The following XIAP variants were observed in gnomAD, a reference collection of about 807,000 sequenced individuals.
XIAP encodes E3 ubiquitin-protein ligase XIAP.
XIAP carries 3 observed loss-of-function variants against 33.1 expected under a neutral mutation model. That is an observed-to-expected ratio of 0.09 (90% CI 0.04 to 0.23). XIAP has a LOEUF of 0.23. Ranked by LOEUF, XIAP falls within the 10% of genes least tolerant of loss-of-function variation. XIAP has a pLI of 1.00. For synonymous variants in XIAP, 98 were observed against 121.3 expected, an observed-to-expected ratio of 0.81 and a Z score of 1.26; for missense variants, 264 against 363.0, an observed-to-expected ratio of 0.73 and a Z score of 2.22.
At position 123,909,153 on chromosome X, in the gene XIAP, T is replaced by C. The variant is rs909086164; in HGVS notation, c.*1972T>C. The C allele has an allele frequency of 3.0e-5, 8 of 270,311 alleles. No individual in the cohort carries two copies. The highest frequency in any genetic ancestry group is 4.8e-5 in the Non-Finnish European group (7 of 145,714). 22.3% of individuals were successfully genotyped at this position (270,311 alleles called of 1,213,427 possible). On this transcript the variant is annotated 3_prime_UTR_variant, in exon 7 of 7. Coordinates refer to ENST00000371199, the MANE Select transcript of XIAP (RefSeq NM_001167.4). ...AAGCGATTCTCGTGCCTCAGCTTCC[T>C]GAGTAGCTGGAATTACAGGCAGGTG...
intron 1 of XIAP, among the ~76,000 whole-genome samples, chrX:123,883,271 T>TG (rs1250156840): frequency 7.7e-5 from 8 of 103,698 alleles, no homozygotes; most frequent in African/African-American, 2.1e-4. Flanking sequence ...TTAGTAGAGG[T>TG]GGGGGTTTCA....
intron 5 of XIAP, among the ~76,000 whole-genome samples, chrX:123,897,158 C>G (rs978111783): frequency 2.7e-5 from 3 of 109,805 alleles, no homozygotes; most frequent in Non-Finnish European, 3.8e-5. Context: ...GAACTCCTGA[C>G]CTCAGGTGAT....
rs775638271 is a variant in XIAP at position 123,899,073 on chromosome X, A to G, written c.1100-1420A>G. Reference sequence around the variant, plus strand: ...GAGGTGGAGGTTGCAGTGAGCCGAGACGCGCCATTACACTCCGGCCTGGGT... The same window carrying G: ...GAGGTGGAGGTTGCAGTGAGCCGAGGCGCGCCATTACACTCCGGCCTGGGT... On this transcript the variant is annotated intron_variant, in intron 5 of 6. Transcript: ENST00000371199. 2.3e-4 allele frequency among the ~76,000 whole-genome samples: 19 copies of G among 84,022 alleles called. 1 individual carries two copies. In the Admixed American group the frequency reaches 3.0e-3, roughly 13 times the overall value. 73.0% of individuals were successfully genotyped at this position (84,022 alleles called of 115,157 possible).
At chrX:123,875,448 G>T (rs1456854389) in intron 1 of XIAP, among the ~76,000 whole-genome samples, 1 of 112,321 alleles carries the variant, frequency 8.9e-6, no homozygotes, top group Admixed American at 9.5e-5. Flanking sequence ...CAGAAAAGAT[G>T]TACCAGTTTT....
At chrX:123,884,434 T>G (rs1377474427) in intron 1 of XIAP, among the ~76,000 whole-genome samples, 1 of 106,389 alleles carries the variant, frequency 9.4e-6, no homozygotes, top group African/African-American at 3.5e-5. Context: ...CATGAACCAG[T>G]ATCACACCAT....
rs1317618774 is a variant in XIAP at position 123,909,079 on chromosome X, A to G, written c.*1898A>G. On this transcript the variant is annotated 3_prime_UTR_variant, in exon 7 of 7. Transcript: ENST00000371199. ...GAGTCTTGCTTGTCACCCAGGCTGG[A>G]GTGCAGTGGAGTGATCTCTGCTCAC... 10 of 274,744 alleles carry G rather than the reference A, an allele frequency of 3.6e-5. No individual in the cohort carries two copies. In the East Asian group the frequency reaches 8.8e-4, roughly 24 times the overall value. 22.6% of individuals were successfully genotyped at this position (274,744 alleles called of 1,213,427 possible). A position where few individuals can be genotyped will look rare whatever the true frequency, so the allele number is the denominator to read the frequency against.
At chrX:123,882,270 T>C (rs1290268902) in intron 1 of XIAP, among the ~76,000 whole-genome samples, 1 of 111,647 alleles carries the variant, frequency 9.0e-6, no homozygotes, top group East Asian at 2.8e-4. Context: ...CTACCATCGA[T>C]TGTTATAAAG....
chrX:123,899,915 G>A (rs759161689), intron 5 of XIAP, among the ~76,000 whole-genome samples: 1 of 110,860 alleles, frequency 9.0e-6, no homozygotes, highest in Admixed American at 9.7e-5. Context: ...GAGTCAGAGG[G>A]TATAAGTGTC....
intron 1 of XIAP, among the ~76,000 whole-genome samples, chrX:123,864,991 C>CT (rs35693982): frequency 5.6e-4 from 50 of 89,248 alleles, no homozygotes; most frequent in South Asian, 1.7e-3. Flanking sequence ...CGCCTTTCTT[C>CT]TTTTTTTTTT....
intron 1 of XIAP, among the ~76,000 whole-genome samples, chrX:123,864,348 A>G (rs1007693710): frequency 9.1e-6 from 1 of 110,412 alleles, no homozygotes; most frequent in Non-Finnish European, 1.9e-5. Flanking sequence ...CAAAACCTAC[A>G]GTTTATGAAA....
chrX:123,865,914 C>T lies in XIAP; in HGVS notation c.-33+5621C>T, dbSNP rs988989716. 2.0e-3 allele frequency among the ~76,000 whole-genome samples: 217 copies of T among 107,926 alleles called. 1 individual carries two copies. The highest frequency in any genetic ancestry group is 2.2e-3 in the Non-Finnish European group (113 of 51,905). 93.7% of individuals were successfully genotyped at this position (107,926 alleles called of 115,157 possible). ...GGATTACAGGCGTGTGCTACCACAC[C>T]TGGCTAATTTTTTTTTTTTTGGTAT... On this transcript the variant is annotated intron_variant, in intron 1 of 6. Transcript: ENST00000371199.
At position 123,899,144 on chromosome X, in the gene XIAP, A is replaced by AAAAAAATATATAT. The variant is rs1186271285; in HGVS notation, c.1100-1348_1100-1347insAAAAATATATATA. ...CAAAAAAAAAAAAAAAAAAAAAAAAAATATATATATATATATATATATGAT... is the reference window on the plus strand; with the variant it reads ...CAAAAAAAAAAAAAAAAAAAAAAAAAAAAAAATATATATATATATATATATATATATATATGAT... On this transcript the variant is annotated intron_variant, in intron 5 of 6. Coordinates refer to ENST00000371199, the MANE Select transcript of XIAP (RefSeq NM_001167.4). Among the ~76,000 whole-genome samples the AAAAAAATATATAT allele has an allele frequency of 6.2e-4, 31 of 50,163 alleles. 7 individuals carry two copies. Among genetic ancestry groups the AAAAAAATATATAT allele is most frequent in the African/African-American group, 2.4e-3 (28 of 11,845 alleles). 43.6% of individuals were successfully genotyped at this position (50,163 alleles called of 115,157 possible).
chrX:123,909,336 A>T lies in XIAP; in HGVS notation c.*2155A>T. 1 of 329,246 alleles carries T rather than the reference A, an allele frequency of 3.0e-6. No homozygotes were observed. The highest frequency in any genetic ancestry group is 5.9e-6 in the Non-Finnish European group (1 of 169,945). The allele number at this position is 329,246 out of a possible 1,213,427, so 27.1% of individuals were successfully genotyped here. A position where few individuals can be genotyped will look rare whatever the true frequency, so the allele number is the denominator to read the frequency against. Reference sequence around the variant, plus strand: ...TTGAGCCACCACGCCCGGCTAAAACATTGCAAATTTAAATGAGAGTTTTAA... The same window carrying T: ...TTGAGCCACCACGCCCGGCTAAAACTTTGCAAATTTAAATGAGAGTTTTAA... On this transcript the variant is annotated 3_prime_UTR_variant, in exon 7 of 7. Transcript: ENST00000371199.
intron 1 of XIAP, among the ~76,000 whole-genome samples, chrX:123,880,737 CAAAAA>C (rs35365799): frequency 6.3e-5 from 4 of 63,956 alleles, no homozygotes; most frequent in African/African-American, 2.2e-4. Context: ...AACTCTGTTT[CAAAAA>C]AAAAAAAAAA....
intron 1 of XIAP, among the ~76,000 whole-genome samples, chrX:123,875,103 A>G (rs2053232549): frequency 9.6e-6 from 1 of 104,184 alleles, no homozygotes; most frequent in Non-Finnish European, 1.9e-5. Flanking sequence ...GCTTACTGCA[A>G]CCTCTGCCTC....
At chrX:123,862,230 G>A (rs1441947832) in intron 1 of XIAP, among the ~76,000 whole-genome samples, 1 of 108,711 alleles carries the variant, frequency 9.2e-6, no homozygotes, top group African/African-American at 3.4e-5. Context: ...CACCACGCCT[G>A]GCTAATTTTT....
intron 1 of XIAP, chrX:123,874,395 A>T (rs1265607816): frequency 8.9e-6 from 1 of 111,975 alleles, no homozygotes; most frequent in Non-Finnish European, 1.9e-5. Flanking sequence ...TATTTTTTAT[A>T]ATTTGGGTTA....
chrX:123,884,510 C>T (rs957879934), intron 1 of XIAP, among the ~76,000 whole-genome samples: 1 of 110,200 alleles, frequency 9.1e-6, no homozygotes, highest in Non-Finnish European at 1.9e-5. Context: ...AATTAATGCA[C>T]GCATAATATA....
intron 5 of XIAP, among the ~76,000 whole-genome samples, chrX:123,894,724 C>T (rs12850522): frequency 3.2e-4 from 35 of 109,217 alleles, no homozygotes; most frequent in African/African-American, 9.3e-4. Context: ...GCCAAGACCA[C>T]GCCATTGCAC....
Sources: allele counts gnomAD v4.1 joint callset (sites outside exome capture counted in the v4.1 genomes callset), GRCh38; gene constraint gnomAD v4.1.1; transcripts MANE v1.5; gene names NCBI Gene and HGNC (gene_info 2026-07-23, HGNC 2026-07-21).